Variants in DLGAP1 observed in about 807,000 individuals in gnomAD.
DLGAP1 encodes DLG associated protein 1, also known as disks large-associated protein 1.
In DLGAP1, 11 loss-of-function variants were observed where a neutral mutation model predicts 90.8. That is an observed-to-expected ratio of 0.12 (90% CI 0.08 to 0.20). The LOEUF (loss-of-function observed/expected upper bound fraction) is 0.20, where lower values mean the gene tolerates loss of function less well. Among genes scored for constraint, DLGAP1 ranks in the 10% least tolerant of loss-of-function variants. The pLI, the probability that DLGAP1 is intolerant of heterozygous loss-of-function variation, is 1.00. For synonymous variants in DLGAP1, 558 were observed against 540.7 expected (o/e 1.03, Z -0.44); for missense variants, 1,050 against 1,333.8 (o/e 0.79, Z 3.31).
chr18:3,839,355 G>A (rs767799593), intron 4 of DLGAP1, among the ~76,000 whole-genome samples: 9 of 152,278 alleles, frequency 5.9e-5, no homozygotes, highest in South Asian at 4.2e-4. Flanking sequence ...TAGAATTATT[G>A]GAGGGGAGGG....
At chr18:3,809,860 G>A (rs1275706604) in intron 5 of DLGAP1, among the ~76,000 whole-genome samples, 1 of 152,154 alleles carries the variant, frequency 6.6e-6, no homozygotes, top group African/African-American at 2.4e-5. Flanking sequence ...AATCATGGTA[G>A]CAGGCAGTAG....
At chr18:4,170,206 C>A (rs769795587) in intron 1 of DLGAP1, among the ~76,000 whole-genome samples, 2 of 151,988 alleles carry the variant, frequency 1.3e-5, no homozygotes, top group Non-Finnish European at 2.9e-5. Flanking sequence ...ACAGGATTTG[C>A]TTTTTTATTG....
At chr18:3,960,647 C>T (rs1264711280) in intron 3 of DLGAP1, among the ~76,000 whole-genome samples, 7 of 152,326 alleles carry the variant, frequency 4.6e-5, no homozygotes, top group South Asian at 2.1e-4. Flanking sequence ...TCTAGACATC[C>T]GGGGTGAAGG....
intron 4 of DLGAP1, among the ~76,000 whole-genome samples, chr18:3,873,923 A>AT (rs1414708076): frequency 6.6e-6 from 1 of 152,200 alleles, no homozygotes; most frequent in Non-Finnish European, 1.5e-5. Flanking sequence ...TCAATTAAAG[A>AT]TTTTATAAAG....
At chr18:4,338,058 T>G (rs1030495625) in intron 1 of DLGAP1, among the ~76,000 whole-genome samples, 1 of 152,174 alleles carries the variant, frequency 6.6e-6, no homozygotes, top group African/African-American at 2.4e-5. Context: ...GGATGTTGAG[T>G]AGAAACTAAT....
intron 2 of DLGAP1, among the ~76,000 whole-genome samples, chr18:4,045,505 G>T (rs1199534884): frequency 6.8e-6 from 1 of 148,092 alleles, no homozygotes; most frequent in African/African-American, 2.5e-5. Flanking sequence ...AGGGTGAGGC[G>T]GACGGATCGC....
chr18:4,114,883 C>T (rs2076035733), intron 2 of DLGAP1, among the ~76,000 whole-genome samples: 1 of 151,828 alleles, frequency 6.6e-6, no homozygotes, highest in Admixed American at 6.6e-5. Flanking sequence ...TATAGTTGGG[C>T]TTTGTTATTT....
intron 1 of DLGAP1, among the ~76,000 whole-genome samples, chr18:4,334,888 G>A (rs1251631393): frequency 6.6e-6 from 1 of 151,860 alleles, no homozygotes; most frequent in Non-Finnish European, 1.5e-5. Context: ...CAAGTCTTTG[G>A]AGAAAATAAA....
rs141804225 is a variant in DLGAP1 at position 3,666,231 on chromosome 18, C to A, written c.1591+62904G>T. On this transcript the variant is annotated intron_variant, in intron 7 of 12. Transcript: ENST00000315677. The stretch of plus-strand genomic sequence containing the variant: ...CATTGAGAAAAAACGAAAAGTAAAT[C>A]TTTTGCAAATAATATCACAAAACTT... Among the ~76,000 whole-genome samples the A allele has an allele frequency of 1.2e-4, 18 of 152,334 alleles. No homozygotes were observed. In the East Asian group the frequency reaches 2.3e-3, roughly 20 times the overall value.
chr18:4,449,998 A>G (rs1318165780), intron 1 of DLGAP1, among the ~76,000 whole-genome samples: 1 of 152,212 alleles, frequency 6.6e-6, no homozygotes, highest in African/African-American at 2.4e-5. Flanking sequence ...CTAAACGGAA[A>G]GCACATCCTA....
intron 5 of DLGAP1, among the ~76,000 whole-genome samples, chr18:3,795,552 G>C (rs2148272369): frequency 6.6e-6 from 1 of 152,308 alleles, no homozygotes. Context: ...TTGACCTCGT[G>C]ATCTGCCCAC....
At chr18:4,061,516 A>G (rs909835163) in intron 2 of DLGAP1, among the ~76,000 whole-genome samples, 6 of 152,202 alleles carry the variant, frequency 3.9e-5, no homozygotes, top group African/African-American at 1.2e-4. Context: ...AGAAAATTGT[A>G]AAAGATTATA....
chr18:3,547,069 T>C (rs1238194), intron 9 of DLGAP1, among the ~76,000 whole-genome samples: 2 of 151,780 alleles, frequency 1.3e-5, no homozygotes, highest in Non-Finnish European at 2.9e-5. Flanking sequence ...TGAGAGGCCG[T>C]GGCAGGTGGA....
At chr18:4,224,576 G>C (rs1219053108) in intron 1 of DLGAP1, among the ~76,000 whole-genome samples, 1 of 152,264 alleles carries the variant, frequency 6.6e-6, no homozygotes, top group Admixed American at 6.5e-5. Context: ...CAACCTGCAG[G>C]CCTGTGGTGG....
At chr18:4,160,792 A>G (rs916744948) in intron 1 of DLGAP1, among the ~76,000 whole-genome samples, 3 of 152,168 alleles carry the variant, frequency 2.0e-5, no homozygotes, top group African/African-American at 7.2e-5. Context: ...ATTCCTTAAT[A>G]TAAGCCTGTC....
At chr18:3,975,995 T>A (rs112066006) in intron 3 of DLGAP1, among the ~76,000 whole-genome samples, 4,004 of 152,050 alleles carry the variant, frequency 0.026, 162 homozygotes, top group African/African-American at 0.092. Flanking sequence ...TGGAGATGGA[T>A]GGTGGTGACG....
intron 1 of DLGAP1, among the ~76,000 whole-genome samples, chr18:4,182,117 T>C (rs1021400271): frequency 5.9e-5 from 9 of 152,116 alleles, no homozygotes; most frequent in African/African-American, 1.9e-4. Context: ...GTGCATGCAC[T>C]GCAGAAACTG....
chr18:3,806,231 CAAAAAG>C (rs982056149), intron 5 of DLGAP1, among the ~76,000 whole-genome samples: 3 of 152,086 alleles, frequency 2.0e-5, no homozygotes, highest in African/African-American at 7.2e-5. Context: ...AAAACAAAAA[CAAAAAG>C]AAACAAAAAA....
intron 2 of DLGAP1, among the ~76,000 whole-genome samples, chr18:4,133,439 G>C (rs2076349923): frequency 6.6e-6 from 1 of 152,158 alleles, no homozygotes; most frequent in Non-Finnish European, 1.5e-5. Flanking sequence ...TTGAATAAAT[G>C]TTGGTCCATT....
Sources: allele counts gnomAD v4.1 joint callset (sites outside exome capture counted in the v4.1 genomes callset), GRCh38; gene constraint gnomAD v4.1.1; transcripts MANE v1.5; gene names NCBI Gene and HGNC (gene_info 2026-07-23, HGNC 2026-07-21).